The following CAMTA1 variants were observed in gnomAD, a reference collection of about 807,000 sequenced individuals.
The protein encoded by CAMTA1 is calmodulin-binding transcription activator 1.
A neutral mutation model predicts 170.9 loss-of-function variants in CAMTA1; 27 were observed. That is an observed-to-expected ratio of 0.16 (90% CI 0.12 to 0.22). CAMTA1 has a LOEUF of 0.22. CAMTA1 is among the 10% of genes least tolerant of loss of function. CAMTA1 has a pLI of 1.00. For synonymous variants in CAMTA1, 833 were observed against 891.5 expected (o/e 0.93, Z 1.17); for missense variants, 1,619 against 2,217.2 (o/e 0.73, Z 5.42).
intron 12 of CAMTA1, among the ~76,000 whole-genome samples, chr1:7,734,499 G>A (rs954410287): frequency 3.3e-5 from 5 of 151,886 alleles, no homozygotes; most frequent in Non-Finnish European, 7.4e-5. Flanking sequence ...AAATGTCCGT[G>A]TTTGCCATGC....
chr1:6,834,489 TC>T, intron 3 of CAMTA1: 1 of 259,904 alleles, frequency 3.8e-6, no homozygotes, highest in South Asian at 5.3e-5. Context: ...TTATACGTCC[TC>T]CTGCACTTGG....
chr1:7,095,142 G>C (rs145454867), intron 4 of CAMTA1, among the ~76,000 whole-genome samples: 1,778 of 149,506 alleles, frequency 0.012, 35 homozygotes, highest in Admixed American at 0.048. Flanking sequence ...TGTCGCAGTT[G>C]CCTTGCCTAA....
intron 3 of CAMTA1, among the ~76,000 whole-genome samples, chr1:6,865,978 A>G (rs957634367): frequency 2.0e-5 from 3 of 152,204 alleles, no homozygotes; most frequent in African/African-American, 7.2e-5. Context: ...AAAAAATGTA[A>G]TAGTCTTTAG....
rs112834828 is a variant in CAMTA1 at position 7,641,173 on chromosome 1, G to A, written c.664+620G>A. Among the ~76,000 whole-genome samples the A allele has an allele frequency of 0.053, 8,121 of 152,300 alleles. 552 individuals carry two copies. Among genetic ancestry groups the A allele is most frequent in the African/African-American group, 0.15 (6,381 of 41,546 alleles). The stretch of plus-strand genomic sequence containing the variant: ...CTTTGTTGCCGTGGCCACAGCTCCC[G>A]GCAGCCGCTGGCGGCTCTCAGTGGC... On this transcript the variant is annotated intron_variant, in intron 7 of 22. Coordinates refer to ENST00000303635, the MANE Select transcript of CAMTA1 (RefSeq NM_015215.4). This position sits in a 1 kb window ranked among gnomAD's most constrained non-coding sequence, Gnocchi z 4.5.
intron 4 of CAMTA1, among the ~76,000 whole-genome samples, chr1:7,138,821 C>A (rs555149771): frequency 3.3e-5 from 5 of 151,728 alleles, no homozygotes; most frequent in African/African-American, 7.3e-5. Flanking sequence ...ATGGTGAAAC[C>A]CTGTGACTAC....
In CAMTA1 at chr1:7,633,593, C is replaced by G. The variant is rs1319078921; in HGVS notation, c.511-6807C>G. On this transcript the variant is annotated intron_variant, in intron 6 of 22. Transcript: ENST00000303635. This position sits in a 1 kb window ranked among gnomAD's most constrained non-coding sequence, Gnocchi z 4.1. ...AGTCTCCGGAGAGGAGACAGCCACC[C>G]CTGCACCAGCTCCCCCAGCCAAGGC... Among the ~76,000 whole-genome samples the G allele has an allele frequency of 6.6e-6, 1 of 152,226 alleles. No homozygotes were observed. The highest frequency in any genetic ancestry group is 2.4e-5 in the African/African-American group (1 of 41,458).
intron 10 of CAMTA1, 87 bp downstream of exon 10, chr1:7,671,124 GCAGGTCATGTC>G: frequency 2.1e-6 from 3 of 1,449,180 alleles, no homozygotes; most frequent in Admixed American, 3.5e-5. Context: ...GTGACCTTGA[GCAGGTCATGTC>G]CTTACTCTAG....
intron 6 of CAMTA1, 134 bp from the exon 7 acceptor site, chr1:7,640,266 G>A (rs939821225): frequency 1.6e-5 from 15 of 923,000 alleles, no homozygotes; most frequent in Middle Eastern, 2.6e-4. Context: ...GGCTGCAACC[G>A]TCAGCAGTGT....
In CAMTA1 at chr1:7,562,621, A is replaced by C. The variant is rs1373466802; in HGVS notation, c.511-77779A>C. On this transcript the variant is annotated intron_variant, in intron 6 of 22. Transcript: ENST00000303635. The surrounding 1 kb of genome is among the most constrained non-coding windows in gnomAD (Gnocchi z 4.8). ...AAATGTTATCTCCTCTTTTTCGGAG[A>C]TGTCACCCACAACCGTCCGAAGAGA... is the stretch of plus-strand genomic sequence containing the variant. Among the ~76,000 whole-genome samples the C allele has an allele frequency of 6.6e-6, 1 of 152,054 alleles. No individual in the cohort carries two copies. Among genetic ancestry groups the C allele is most frequent in the Non-Finnish European group, 1.5e-5 (1 of 68,010 alleles).
intron 4 of CAMTA1, among the ~76,000 whole-genome samples, chr1:7,161,500 G>A (rs1004496302): frequency 8.5e-5 from 13 of 152,156 alleles, no homozygotes; most frequent in Non-Finnish European, 1.6e-4. Context: ...TTATGGGTAC[G>A]GGTCTTTCCT....
At position 7,547,412 on chromosome 1, in the gene CAMTA1, G is replaced by A. The variant is rs1198079358; in HGVS notation, c.510+79511G>A. Among the ~76,000 whole-genome samples the A allele has an allele frequency of 1.3e-5, 2 of 151,054 alleles. No individual in the cohort carries two copies. The highest frequency in any genetic ancestry group is 6.6e-5 in the Admixed American group (1 of 15,148). On this transcript the variant is annotated intron_variant, in intron 6 of 22. Transcript: ENST00000303635. This position sits in a 1 kb window ranked among gnomAD's most constrained non-coding sequence, Gnocchi z 5.7. ...CACAGAGTTGGCCTTCCACATTCAT[G>A]AGTTTCGCATCCGTGGATTCAACCA...
At chr1:7,391,156 C>G (rs1269711049) in intron 5 of CAMTA1, among the ~76,000 whole-genome samples, 1 of 152,156 alleles carries the variant, frequency 6.6e-6, no homozygotes, top group Non-Finnish European at 1.5e-5. Context: ...TGCCACCATG[C>G]TGGGCTAATT....
At chr1:7,013,607 G>A (rs1700130684) in intron 3 of CAMTA1, among the ~76,000 whole-genome samples, 1 of 152,326 alleles carries the variant, frequency 6.6e-6, no homozygotes, top group South Asian at 2.1e-4. Flanking sequence ...TAAGCAGAGT[G>A]TGGCTCAGCT....
In CAMTA1 at chr1:7,651,373, C is replaced by G. The variant is rs557667206; in HGVS notation, c.665-10353C>G. On this transcript the variant is annotated intron_variant, in intron 7 of 22. Transcript: ENST00000303635. ...TGCAAAGGAAGGCCAAGCGTCGATT[C>G]CAGCAGGTGCCGCCTGTACAGTTAC... Among the ~76,000 whole-genome samples the G allele has an allele frequency of 1.4e-4, 21 of 152,270 alleles. No homozygotes were observed. The South Asian group carries it at 1.7e-3, about 12-fold the overall frequency.
At chr1:7,484,625 TA>T (rs1262086290) in intron 6 of CAMTA1, among the ~76,000 whole-genome samples, 1 of 151,992 alleles carries the variant, frequency 6.6e-6, no homozygotes, top group African/African-American at 2.4e-5. Flanking sequence ...CCGTCTCTAC[TA>T]AAAATATAAA....
chr1:7,675,876 G>A (rs543145326), intron 10 of CAMTA1, among the ~76,000 whole-genome samples: 3 of 152,336 alleles, frequency 2.0e-5, no homozygotes, highest in East Asian at 1.9e-4. Context: ...GACCACAGTA[G>A]GTCCCCTCTG....
At position 7,443,269 on chromosome 1, in the gene CAMTA1, C is replaced by T. The variant is rs1230296098; in HGVS notation, c.439-24561C>T. Among the ~76,000 whole-genome samples, 1 of 152,228 alleles carries T rather than the reference C, an allele frequency of 6.6e-6. No individual in the cohort carries two copies. The highest frequency in any genetic ancestry group is 2.4e-5 in the African/African-American group (1 of 41,464). ...CCCCACTTTCGTGGGGTACAGTCCC[C>T]TTGAGGCAGGGACCAGGTCTGTTCT... is the stretch of plus-strand genomic sequence containing the variant. On this transcript the variant is annotated intron_variant, in intron 5 of 22. Coordinates refer to ENST00000303635, the MANE Select transcript of CAMTA1 (RefSeq NM_015215.4). This position sits in a 1 kb window ranked among gnomAD's most constrained non-coding sequence, Gnocchi z 4.1.
chr1:7,471,203 C>T (rs1376294606), intron 6 of CAMTA1, among the ~76,000 whole-genome samples: 1 of 152,252 alleles, frequency 6.6e-6, no homozygotes, highest in Non-Finnish European at 1.5e-5. Flanking sequence ...CTCTCTGTCT[C>T]TCTCTGCGTC....
chr1:7,705,203 G>A (rs141900390), intron 11 of CAMTA1, among the ~76,000 whole-genome samples: 1 of 151,424 alleles, frequency 6.6e-6, no homozygotes, highest in Non-Finnish European at 1.5e-5. Flanking sequence ...TGGGGCGAGA[G>A]TGGGGAGTGA....
Sources: allele counts gnomAD v4.1 joint callset (sites outside exome capture counted in the v4.1 genomes callset), GRCh38; gene constraint gnomAD v4.1.1; non-coding constraint Gnocchi (gnomAD v3.1); transcripts MANE v1.5; gene names NCBI Gene and HGNC (gene_info 2026-07-23, HGNC 2026-07-21).